The following GLIS3 variants were observed in gnomAD, a reference collection of about 807,000 sequenced individuals.
GLIS3 encodes the protein zinc finger protein GLIS3.
A neutral mutation model predicts 78.6 loss-of-function variants in GLIS3; 53 were observed. That is an observed-to-expected ratio of 0.67 (90% confidence interval 0.54 to 0.85). The LOEUF (loss-of-function observed/expected upper bound fraction) is 0.85, where lower values mean the gene tolerates loss of function less well. GLIS3 is among the 40% of genes least tolerant of loss of function. The pLI is 0.00. For synonymous variants in GLIS3, 684 were observed against 509.9 expected, an observed-to-expected ratio of 1.34 and a Z score of -4.60; for missense variants, 1,703 against 1,231.1, an observed-to-expected ratio of 1.38 and a Z score of -5.74.
intron 4 of GLIS3, among the ~76,000 whole-genome samples, chr9:4,067,790 A>G (rs565651119): frequency 8.4e-6 from 1 of 119,256 alleles, no homozygotes; most frequent in South Asian, 3.1e-4. Context: ...GAAAAAAACC[A>G]TGAACATTAG....
intron 3 of GLIS3, among the ~76,000 whole-genome samples, chr9:4,124,491 C>G (rs1282088245): frequency 6.6e-6 from 1 of 152,182 alleles, no homozygotes; most frequent in Non-Finnish European, 1.5e-5. Context: ...CAATGACACC[C>G]ACCCCATGAG....
the GLIS3 span, among the ~76,000 whole-genome samples, chr9:4,449,117 A>C: frequency 1.6e-4 from 24 of 152,160 alleles, no homozygotes; most frequent in Non-Finnish European, 3.2e-4. Context: ...CTCCCACCCA[A>C]ATACTGTACT....
At chr9:4,285,686 A>C in intron 2 of GLIS3, 1 of 235,852 alleles carries the variant, frequency 4.2e-6, no homozygotes, top group Admixed American at 4.9e-5. Context: ...TTCAGCCCCC[A>C]GGGAAACAGG....
chr9:3,920,085 G>C (rs973273471), intron 6 of GLIS3, among the ~76,000 whole-genome samples: 1 of 145,600 alleles, frequency 6.9e-6, no homozygotes, highest in African/African-American at 2.6e-5. Context: ...CTCACTGCAA[G>C]CTCCGCCTCC....
At chr9:4,268,284 T>G (rs1587234734) in intron 2 of GLIS3, among the ~76,000 whole-genome samples, 1 of 152,204 alleles carries the variant, frequency 6.6e-6, no homozygotes, top group East Asian at 1.9e-4. Context: ...TTTGACAGCT[T>G]AAATGAGATA....
chr9:4,194,083 A>G (rs1818575713), intron 2 of GLIS3, among the ~76,000 whole-genome samples: 1 of 152,086 alleles, frequency 6.6e-6, no homozygotes. Context: ...GTAGAGATGG[A>G]GTCTTGCTCT....
At chr9:4,339,333 A>T (rs1817800260) in intron 2 of GLIS3, among the ~76,000 whole-genome samples, 1 of 152,184 alleles carries the variant, frequency 6.6e-6, no homozygotes, top group Non-Finnish European at 1.5e-5. Context: ...ATTTTGAAGT[A>T]CCAAAGACAG....
chr9:3,937,135 G>A lies in GLIS3; in HGVS notation c.1765C>T (p.Arg589Trp), dbSNP rs1333319893. Residue 589 changes from arginine to tryptophan, a missense_variant, in exon 5 of 11, where the codon CGG becomes TGG. Coordinates refer to ENST00000381971, the MANE Select transcript of GLIS3 (RefSeq NM_001042413.2). ...TACGGCTTCTCGCCTGTGTGGCTCC[G>A]CAAGTGGATCTTGAGATTTTCAAGC... Reference protein sequence around the residue: ...SRLENLKIHLRSHTGEKPYLC... With the variant: ...SRLENLKIHLWSHTGEKPYLC... 13 of 1,614,090 alleles carry A rather than the reference G, an allele frequency of 8.1e-6. No homozygotes were observed. The highest frequency in any genetic ancestry group is 1.3e-5 in the African/African-American group (1 of 75,044).
chr9:4,253,461 C>A (rs1182165821), intron 2 of GLIS3, among the ~76,000 whole-genome samples: 1 of 152,238 alleles, frequency 6.6e-6, no homozygotes, highest in East Asian at 1.9e-4. Flanking sequence ...GCTCCCCCGA[C>A]CAAGCTCGAG....
chr9:4,293,481 A>G (rs1816203840), intron 1 of GLIS3, among the ~76,000 whole-genome samples: 1 of 152,234 alleles, frequency 6.6e-6, no homozygotes, highest in African/African-American at 2.4e-5. Flanking sequence ...CTTAACCAAC[A>G]TGACAACATA....
At chr9:4,457,667 GA>G in the GLIS3 span, among the ~76,000 whole-genome samples, 2 of 151,724 alleles carry the variant, frequency 1.3e-5, no homozygotes, top group Non-Finnish European at 2.9e-5. Context: ...CCAACATGGT[GA>G]AACCCCATCT....
intron 2 of GLIS3, among the ~76,000 whole-genome samples, chr9:4,168,448 G>C (rs932073980): frequency 9.2e-5 from 14 of 152,224 alleles, no homozygotes; most frequent in Middle Eastern, 3.4e-3. Context: ...CATATGCAAA[G>C]AAATGTTCCC....
At chr9:4,390,867 G>T in the GLIS3 span, among the ~76,000 whole-genome samples, 3 of 152,196 alleles carry the variant, frequency 2.0e-5, no homozygotes, top group Non-Finnish European at 4.4e-5. Context: ...CAAAGCAGTA[G>T]AGAGCTGGAG....
At chr9:4,177,317 CCAATATAG>C (rs1235827988) in intron 2 of GLIS3, among the ~76,000 whole-genome samples, 1 of 152,072 alleles carries the variant, frequency 6.6e-6, no homozygotes, top group Non-Finnish European at 1.5e-5. Context: ...GTAAGGTGTA[CCAATATAG>C]CAAAACAGGA....
At chr9:4,422,017 T>C in the GLIS3 span, among the ~76,000 whole-genome samples, 12 of 152,206 alleles carry the variant, frequency 7.9e-5, no homozygotes, top group African/African-American at 2.9e-4. Context: ...GTCCTGTGCC[T>C]CTGTCACCAA....
At chr9:4,478,710 T>C in the GLIS3 span, among the ~76,000 whole-genome samples, 1 of 152,344 alleles carries the variant, frequency 6.6e-6, no homozygotes, top group Non-Finnish European at 1.5e-5. Flanking sequence ...ATCCTGCCTT[T>C]TCTGTATAAA....
At chr9:4,331,331 T>C (rs1395937001) in intron 2 of GLIS3, among the ~76,000 whole-genome samples, 1 of 152,152 alleles carries the variant, frequency 6.6e-6, no homozygotes, top group African/African-American at 2.4e-5. Context: ...ACATCAATCA[T>C]TGGTTTTAGG....
intron 8 of GLIS3, among the ~76,000 whole-genome samples, chr9:3,856,388 C>T (rs1227024716): frequency 6.6e-6 from 1 of 152,054 alleles, no homozygotes; most frequent in African/African-American, 2.4e-5. Flanking sequence ...AACTGAGATA[C>T]AGAGGGAATA....
rs77705268 is a variant in GLIS3, at chr9:3,961,898, C to T, written c.1711-24709G>A. On this transcript the variant is annotated intron_variant, in intron 4 of 10. Coordinates refer to ENST00000381971, the MANE Select transcript of GLIS3 (RefSeq NM_001042413.2). ...TGATCACAAAGTATCTTGACATAAA[C>T]ATGGAATATGAAAGTAGCATTACTG... 6.5e-4 allele frequency among the ~76,000 whole-genome samples: 99 copies of T among 152,196 alleles called. No homozygotes were observed. The East Asian group carries it at 0.018, about 28-fold the overall frequency.
Sources: gnomAD v4.1 joint callset for allele counts (sites outside exome capture counted in the v4.1 genomes callset) on GRCh38, gnomAD v4.1.1 for gene constraint, MANE v1.5 for transcripts, NCBI Gene and HGNC (gene_info 2026-07-23, HGNC 2026-07-21) for gene names.